MYO18A: variants seen among roughly 807,000 people sequenced by gnomAD.
MYO18A encodes the protein myosin XVIIIA.
In MYO18A, 78 loss-of-function variants were observed where a neutral mutation model predicts 235.8. That is an observed-to-expected ratio of 0.33 (90% CI 0.28 to 0.40). The LOEUF is 0.40. Ranked by LOEUF, MYO18A falls within the 10% of genes least tolerant of loss-of-function variation. MYO18A has a pLI of 1.00. For missense variants in MYO18A, 2,215 were observed against 2,699.3 expected (o/e 0.82, Z 3.98); for synonymous variants, 977 against 1,077.8 (o/e 0.91, Z 1.83).
chr17:29,140,389 T>A lies in MYO18A; in HGVS notation c.1000-18136A>T. On this transcript the variant is annotated intron_variant, in intron 2 of 41. Transcript: ENST00000527372. This position sits in a 1 kb window ranked among gnomAD's most constrained non-coding sequence, Gnocchi z 4.2. ...CCAGAGCAAGGAGACTCCGCTCTGA[T>A]GCTGCTCTGGCTCCGTTAGCAGCTC... 2 of 1,284,520 alleles carry A rather than the reference T, an allele frequency of 1.6e-6. No homozygotes were observed. Among genetic ancestry groups the A allele is most frequent in the Non-Finnish European group, 2.0e-6 (2 of 986,496 alleles). 79.6% of individuals were successfully genotyped at this position (1,284,520 alleles called of 1,614,324 possible).
intron 2 of MYO18A, among the ~76,000 whole-genome samples, chr17:29,130,178 C>T (rs946466026): frequency 6.6e-6 from 1 of 151,616 alleles, no homozygotes; most frequent in African/African-American, 2.4e-5. Flanking sequence ...GCCTATAGTC[C>T]CAGCTACGCT....
Position 29,096,675 on chromosome 17 carries a change from T to TC in MYO18A, c.4385+85dup, listed in dbSNP as rs2152774969. The TC allele has an allele frequency of 2.0e-5, 28 of 1,415,662 alleles. No individual in the cohort carries two copies. In the South Asian group the frequency reaches 3.7e-4, roughly 19 times the overall value. 87.7% of individuals were successfully genotyped at this position (1,415,662 alleles called of 1,614,324 possible). A position where few individuals can be genotyped will look rare whatever the true frequency, so the allele number is the denominator to read the frequency against. ...CCCTGGACAAATTCAGGTCCTTCCT[T>TC]CTTTCCTCCCTGGAGGGCGAGGAGG... On this transcript the variant is annotated intron_variant, in intron 28 of 41. Transcript: ENST00000527372.
At chr17:29,088,383 C>G (rs2066312476) in intron 37 of MYO18A, among the ~76,000 whole-genome samples, 1 of 152,142 alleles carries the variant, frequency 6.6e-6, no homozygotes, top group Non-Finnish European at 1.5e-5. Context: ...TCCCCTAACT[C>G]TCTCCAGCTC....
chr17:29,107,265 G>T, intron 19 of MYO18A, 76 bp from the exon 20 acceptor site: 1 of 1,390,192 alleles, frequency 7.2e-7, no homozygotes, highest in Non-Finnish European at 1.0e-6. Context: ...CTGTGCCTGG[G>T]CAGTCAGTGG....
chr17:29,162,683 C>A (rs1453511017), intron 2 of MYO18A, among the ~76,000 whole-genome samples: 1 of 152,222 alleles, frequency 6.6e-6, no homozygotes, highest in Non-Finnish European at 1.5e-5. Flanking sequence ...GTGCTGCTCA[C>A]CGCTGGAGCC....
chr17:29,137,432 A>G (rs1244553472), intron 2 of MYO18A, among the ~76,000 whole-genome samples: 1 of 152,210 alleles, frequency 6.6e-6, no homozygotes, highest in Non-Finnish European at 1.5e-5. Context: ...CCTGCTCACA[A>G]TAAATACATA....
chr17:29,116,175 C>G (rs1342198583), intron 11 of MYO18A, among the ~76,000 whole-genome samples: 3 of 152,244 alleles, frequency 2.0e-5, no homozygotes, highest in Admixed American at 2.0e-4. Flanking sequence ...AACCAGCCCA[C>G]CTGGGATGGG....
At position 29,116,436 on chromosome 17, in the gene MYO18A, G is replaced by T; in HGVS notation, c.2050+8C>A. 6.2e-7 allele frequency: 1 copy of T among 1,613,942 alleles called. No homozygotes were observed. Among genetic ancestry groups the T allele is most frequent in the Non-Finnish European group, 8.5e-7 (1 of 1,179,864 alleles). ...ATTAGGGAAAGCTAACAAGAAACAA[G>T]GTTTTACCTTCAGCAGCTTCTGTAA... is the stretch of plus-strand genomic sequence containing the variant. On this transcript the variant is annotated splice_region_variant and intron_variant, in intron 11 of 41. Transcript: ENST00000527372.
In MYO18A at chr17:29,073,730, G is replaced by A; in HGVS notation, c.*1040C>T. 1 of 1,011,798 alleles carries A rather than the reference G, an allele frequency of 9.9e-7. No homozygotes were observed. The highest frequency in any genetic ancestry group is 1.5e-6 in the Non-Finnish European group (1 of 681,968). 62.7% of individuals were successfully genotyped at this position (1,011,798 alleles called of 1,614,324 possible). A position where few individuals can be genotyped will look rare whatever the true frequency, so the allele number is the denominator to read the frequency against. ...TCCAGACCACATGGTGTTGTGTCTGGGATAAGTGTGTGGGGGCAGGGAGGT... is the reference window on the plus strand; with the variant it reads ...TCCAGACCACATGGTGTTGTGTCTGAGATAAGTGTGTGGGGGCAGGGAGGT... On this transcript the variant is annotated 3_prime_UTR_variant, in exon 42 of 42. Transcript: ENST00000527372.
At chr17:29,086,731 T>A in intron 38 of MYO18A, 154 bp from the exon 39 acceptor site, 2 of 1,210,082 alleles carry the variant, frequency 1.7e-6, no homozygotes, top group Non-Finnish European at 2.3e-6. Flanking sequence ...GCTGCTGGGC[T>A]GTGGGGTCCA....
At chr17:29,076,394 G>A (rs1275282564) in intron 41 of MYO18A, 1 of 151,370 alleles carries the variant, frequency 6.6e-6, no homozygotes, top group Non-Finnish European at 1.5e-5. Context: ...TTGGGCAAGT[G>A]CCCAGGGGTT....
At position 29,089,981 on chromosome 17, in the gene MYO18A, T is replaced by C; in HGVS notation, c.5506A>G (p.Thr1836Ala). The change falls in exon 37 of 42, where the codon ACG becomes GCG. Residue 1836 changes from threonine (T) to alanine (A), a missense_variant. Physicochemically the swap from Thr to Ala is moderately conservative, Grantham distance 58 (BLOSUM62 0). Coordinates refer to ENST00000527372, the MANE Select transcript of MYO18A (RefSeq NM_078471.4). The stretch of plus-strand genomic sequence containing the variant: ...CCCACCTCCAGCCGTTTCACTTGCG[T>C]CCTTTCAAACTCCAGGCGTGTCTCC... ...ELETRLEFER[T>A]QVKRLESLAS... is the part of the protein sequence containing the mutation. The C allele has an allele frequency of 1.2e-6, 2 of 1,614,054 alleles. No individual in the cohort carries two copies. Among genetic ancestry groups the C allele is most frequent in the Non-Finnish European group, 1.7e-6 (2 of 1,179,886 alleles).
Position 29,074,369 on chromosome 17 carries a change from C to A in MYO18A, c.*401G>T, listed in dbSNP as rs1252073000. The A allele has an allele frequency of 4.5e-6, 3 of 669,174 alleles. No homozygotes were observed. The highest frequency in any genetic ancestry group is 5.1e-6 in the Non-Finnish European group (2 of 391,032). The allele number at this position is 669,174 out of a possible 1,614,324, so 41.5% of individuals were successfully genotyped here. ...AGAGGGAAGGCACTGCTTCTCCTCCCCCAATCCTCCCCATGGACCCAGCAA... is the reference window on the plus strand; with the variant it reads ...AGAGGGAAGGCACTGCTTCTCCTCCACCAATCCTCCCCATGGACCCAGCAA... On this transcript the variant is annotated 3_prime_UTR_variant, in exon 42 of 42. Transcript: ENST00000527372. The surrounding 1 kb of genome is among the most constrained non-coding windows in gnomAD (Gnocchi z 4.4).
intron 20 of MYO18A, among the ~76,000 whole-genome samples, chr17:29,105,171 C>CAAAAA (rs58344909): frequency 0.033 from 1,062 of 31,772 alleles, no homozygotes; most frequent in Non-Finnish European, 0.048. Context: ...GACTCTGTCT[C>CAAAAA]AAAAAAAAAA....
chr17:29,179,902 C>T (rs928571797), intron 1 of MYO18A, among the ~76,000 whole-genome samples: 5 of 152,166 alleles, frequency 3.3e-5, no homozygotes, highest in Non-Finnish European at 5.9e-5. Flanking sequence ...CGCTCTCTCG[C>T]TCGCTCCATC....
chr17:29,083,530 G>GCACACA (rs1384155972), intron 40 of MYO18A, among the ~76,000 whole-genome samples: 133 of 140,302 alleles, frequency 9.5e-4, no homozygotes, highest in African/African-American at 3.2e-3. Context: ...GTGCGCGCGC[G>GCACACA]CGCACACACA....
intron 17 of MYO18A, 114 bp from the exon 18 acceptor site, chr17:29,110,736 G>A (rs2066909535): frequency 9.2e-7 from 1 of 1,085,358 alleles, no homozygotes; most frequent in African/African-American, 1.6e-5. Flanking sequence ...CCACGTCCAG[G>A]GGCCTGGCTA....
intron 1 of MYO18A, among the ~76,000 whole-genome samples, chr17:29,174,461 G>A (rs1425038709): frequency 2.6e-5 from 4 of 152,040 alleles, no homozygotes; most frequent in South Asian, 2.1e-4. Flanking sequence ...GCCAAGATTC[G>A]TGCTACTGTG....
intron 7 of MYO18A, among the ~76,000 whole-genome samples, chr17:29,119,992 C>T (rs762024906): frequency 6.6e-6 from 1 of 152,172 alleles, no homozygotes; most frequent in Non-Finnish European, 1.5e-5. Flanking sequence ...CCTCCCATTT[C>T]AGCCTCCCAA....
Sources: allele counts gnomAD v4.1 joint callset (sites outside exome capture counted in the v4.1 genomes callset), GRCh38; gene constraint gnomAD v4.1.1; non-coding constraint Gnocchi (gnomAD v3.1); transcripts MANE v1.5; gene names NCBI Gene and HGNC (gene_info 2026-07-23, HGNC 2026-07-21).